The following MFHAS1 variants were observed in gnomAD, a reference collection of about 807,000 sequenced individuals.
The protein encoded by MFHAS1 is multifunctional ROCO family signaling regulator 1, also known as malignant fibrous histiocytoma-amplified sequence 1.
Under a neutral mutation model 70.4 loss-of-function variants are expected in MFHAS1, and 50 were observed. The observed-to-expected ratio is 0.71, with a 90% CI of 0.57 to 0.90. The LOEUF (loss-of-function observed/expected upper bound fraction) is 0.90. Among genes scored for constraint, MFHAS1 ranks in the 40% least tolerant of loss-of-function variants. The pLI, the probability that MFHAS1 is intolerant of heterozygous loss-of-function variation, is 0.00. For missense variants in MFHAS1, 1,795 were observed against 1,347.6 expected, an observed-to-expected ratio of 1.33 and a Z score of -5.20; for synonymous variants, 952 against 620.0, an observed-to-expected ratio of 1.54 and a Z score of -7.96.
chr8:8,842,722 G>C (rs1163072003), intron 1 of MFHAS1, among the ~76,000 whole-genome samples: 1 of 152,124 alleles, frequency 6.6e-6, no homozygotes, highest in South Asian at 2.1e-4. Flanking sequence ...AAGGTGCCCA[G>C]GTGATCGGAC....
Position 8,891,219 on chromosome 8 carries a change from GC to G in MFHAS1, c.1839del (p.Leu614SerfsTer68). On this transcript the variant is annotated frameshift_variant, in exon 1 of 3. Transcript: ENST00000276282. LOFTEE classifies it high-confidence loss of function. The surrounding 1 kb of genome is among the most constrained non-coding windows in gnomAD (Gnocchi z 5.4). Reference sequence around the variant, plus strand: ...GAGAGGATCTGCAGCCGGTGGTTGAGCAGGTATTGAAAATGGGCCTTGCGCC... The same window carrying G: ...GAGAGGATCTGCAGCCGGTGGTTGAGAGGTATTGAAAATGGGCCTTGCGCC... ...LRRRKAHFQY[L>X]LNHRLQILSP... is the part of the protein sequence containing the mutation. 1 of 1,612,624 alleles carries G rather than the reference GC, an allele frequency of 6.2e-7. No individual in the cohort carries two copies. The highest frequency in any genetic ancestry group is 8.5e-7 in the Non-Finnish European group (1 of 1,180,038).
chr8:8,834,017 T>G (rs1807506717), intron 1 of MFHAS1, among the ~76,000 whole-genome samples: 1 of 151,920 alleles, frequency 6.6e-6, no homozygotes, highest in Non-Finnish European at 1.5e-5. Flanking sequence ...TCCCAGCTAC[T>G]CAGGAGGTTG....
At chr8:8,853,697 G>T (rs758700471) in intron 1 of MFHAS1, among the ~76,000 whole-genome samples, 1 of 152,136 alleles carries the variant, frequency 6.6e-6, no homozygotes, top group Non-Finnish European at 1.5e-5. Context: ...CTCCTGAGTA[G>T]CTGAGATTAC....
At chr8:8,879,318 T>A (rs1008328200) in intron 1 of MFHAS1, among the ~76,000 whole-genome samples, 1 of 151,910 alleles carries the variant, frequency 6.6e-6, no homozygotes, top group African/African-American at 2.4e-5. Context: ...ATCACTGCAC[T>A]CAAGCCTGGG....
At position 8,804,904 on chromosome 8, in the gene MFHAS1, G is replaced by T. The variant is rs76468182; in HGVS notation, c.2999-7413C>A. ...TTTAGCCCAACTCCTGGCAGAAGAC[G>T]ATCGTCCTGACAGTAATGTTTGCTT... On this transcript the variant is annotated intron_variant, in intron 1 of 2. Coordinates refer to ENST00000276282, the MANE Select transcript of MFHAS1 (RefSeq NM_004225.3). Among the ~76,000 whole-genome samples the T allele has an allele frequency of 2.6e-5, 4 of 152,284 alleles. No homozygotes were observed. In the South Asian group the frequency reaches 6.2e-4, roughly 24 times the overall value.
chr8:8,834,121 G>A lies in MFHAS1; in HGVS notation c.2999-36630C>T, dbSNP rs889744453. On this transcript the variant is annotated intron_variant, in intron 1 of 2. Coordinates refer to ENST00000276282, the MANE Select transcript of MFHAS1 (RefSeq NM_004225.3). ...AGCCTGGGCAACCGAGTGAGACTCT[G>A]TCAAAAAAAACAAAAAAAACAAAAC... 1.4e-4 allele frequency among the ~76,000 whole-genome samples: 9 copies of A among 63,154 alleles called. No homozygotes were observed. The East Asian group carries it at 6.5e-3, about 46-fold the overall frequency. 41.4% of individuals were successfully genotyped at this position (63,154 alleles called of 152,430 possible). A position where few individuals can be genotyped will look rare whatever the true frequency, so the allele number is the denominator to read the frequency against.
intron 1 of MFHAS1, among the ~76,000 whole-genome samples, chr8:8,877,697 G>A (rs564906699): frequency 1.3e-5 from 2 of 152,246 alleles, no homozygotes; most frequent in Admixed American, 6.5e-5. Flanking sequence ...ATGAGTCTGA[G>A]CAAATAATGT....
intron 1 of MFHAS1, among the ~76,000 whole-genome samples, chr8:8,825,463 A>T: frequency 6.6e-6 from 1 of 152,316 alleles, no homozygotes; most frequent in East Asian, 1.9e-4. Flanking sequence ...GTGAGCCACC[A>T]TGCCCAGCCT....
chr8:8,868,956 G>T (rs1168087977), intron 1 of MFHAS1, among the ~76,000 whole-genome samples: 1 of 152,174 alleles, frequency 6.6e-6, no homozygotes, highest in African/African-American at 2.4e-5. Context: ...TTTAGAGAAA[G>T]TCAGTGAGAA....
chr8:8,797,442 G>A lies in MFHAS1; in HGVS notation c.3048C>T (p.Cys1016=). 1 of 1,614,086 alleles carries A rather than the reference G, an allele frequency of 6.2e-7. No homozygotes were observed. The highest frequency in any genetic ancestry group is 8.5e-7 in the Non-Finnish European group (1 of 1,180,000). The change falls in exon 2 of 3, where the codon TGC becomes TGT. Residue 1016 remains cysteine (C), a synonymous_variant. Coordinates refer to ENST00000276282, the MANE Select transcript of MFHAS1 (RefSeq NM_004225.3). ...PRPEGVAEII[C]PKNGSERVNV... Reference sequence around the variant, plus strand: ...TTACTCGCTCGCTGCCGTTCTTGGGGCAAATGATCTCTGCCACTCCTTCCG... The same window carrying A: ...TTACTCGCTCGCTGCCGTTCTTGGGACAAATGATCTCTGCCACTCCTTCCG...
At chr8:8,791,790 G>T (rs908711243) in intron 2 of MFHAS1, among the ~76,000 whole-genome samples, 8 of 152,142 alleles carry the variant, frequency 5.3e-5, no homozygotes, top group African/African-American at 1.9e-4. Context: ...GCCTAATTAG[G>T]CTGCCATGAA....
At chr8:8,841,761 C>T (rs1364103425) in intron 1 of MFHAS1, among the ~76,000 whole-genome samples, 1 of 152,206 alleles carries the variant, frequency 6.6e-6, no homozygotes, top group Non-Finnish European at 1.5e-5. Flanking sequence ...ACATGGGCCA[C>T]ACCCCACGGG....
At position 8,864,534 on chromosome 8, in the gene MFHAS1, T is replaced by A. The variant is rs559991110; in HGVS notation, c.2998+25527A>T. On this transcript the variant is annotated intron_variant, in intron 1 of 2. Coordinates refer to ENST00000276282, the MANE Select transcript of MFHAS1 (RefSeq NM_004225.3). The stretch of plus-strand genomic sequence containing the variant: ...GTGTTTCAGACAAGTCAAAATGCAA[T>A]CTACAAATAACTGTTTCAGTGAGAT... Among the ~76,000 whole-genome samples the A allele has an allele frequency of 2.0e-5, 3 of 152,372 alleles. No individual in the cohort carries two copies. The South Asian group carries it at 6.2e-4, about 32-fold the overall frequency.
intron 1 of MFHAS1, among the ~76,000 whole-genome samples, chr8:8,813,859 T>C (rs1375646862): frequency 6.6e-6 from 1 of 152,088 alleles, no homozygotes; most frequent in Non-Finnish European, 1.5e-5. Context: ...TCACCCACAC[T>C]GACTCACCCA....
rs1585013057 is a variant in MFHAS1 at position 8,786,109 on chromosome 8, T to C, written c.3126-54A>G. 5 of 1,468,458 alleles carry C rather than the reference T, an allele frequency of 3.4e-6. No homozygotes were observed. In the South Asian group the frequency reaches 5.7e-5, roughly 17 times the overall value. 91.0% of individuals were successfully genotyped at this position (1,468,458 alleles called of 1,614,324 possible). A position where few individuals can be genotyped will look rare whatever the true frequency, so the allele number is the denominator to read the frequency against. Reference sequence around the variant, plus strand: ...GAGATGACAAAAACGTACTGGACAATGCTACCCTCAATAAGAAAAGGAAGT... The same window carrying C: ...GAGATGACAAAAACGTACTGGACAACGCTACCCTCAATAAGAAAAGGAAGT... On this transcript the variant is annotated intron_variant, in intron 2 of 2. Coordinates refer to ENST00000276282, the MANE Select transcript of MFHAS1 (RefSeq NM_004225.3).
intron 1 of MFHAS1, among the ~76,000 whole-genome samples, chr8:8,822,769 T>C (rs1165067518): frequency 9.2e-6 from 1 of 108,334 alleles, no homozygotes; most frequent in Admixed American, 1.1e-4. Context: ...GGGACTGAGA[T>C]GGTGACAGGG....
At chr8:8,859,693 A>G (rs920785014) in intron 1 of MFHAS1, among the ~76,000 whole-genome samples, 1 of 152,208 alleles carries the variant, frequency 6.6e-6, no homozygotes, top group South Asian at 2.1e-4. Flanking sequence ...TCTTTGCTCT[A>G]GTTTACTATA....
At chr8:8,860,844 G>A (rs897430294) in intron 1 of MFHAS1, among the ~76,000 whole-genome samples, 1 of 152,112 alleles carries the variant, frequency 6.6e-6, no homozygotes, top group African/African-American at 2.4e-5. Flanking sequence ...TTAAATCATT[G>A]GTCTCGTTTC....
In MFHAS1 at chr8:8,891,974, C is replaced by A. The variant is rs1810069697; in HGVS notation, c.1085G>T (p.Gly362Val). Residue 362 changes from glycine (G) to valine (V), a missense_variant, in exon 1 of 3, where the codon GGC becomes GTC. By Grantham distance (109) the Gly-to-Val change is moderately radical (BLOSUM62 -3). Coordinates refer to ENST00000276282, the MANE Select transcript of MFHAS1 (RefSeq NM_004225.3). The surrounding 1 kb of genome is among the most constrained non-coding windows in gnomAD (Gnocchi z 5.4). ...CCACAAACCCACCCGGGAGAGCTGG[C>A]CAAAGTGGTCGGGCAGCACCGCGAT... ...NQIAVLPDHF[G>V]QLSRVGLWKI... 1 of 1,612,686 alleles carries A rather than the reference C, an allele frequency of 6.2e-7. No individual in the cohort carries two copies.
Sources: allele counts gnomAD v4.1 joint callset (sites outside exome capture counted in the v4.1 genomes callset), GRCh38; gene constraint gnomAD v4.1.1; non-coding constraint Gnocchi (gnomAD v3.1); transcripts MANE v1.5; gene names NCBI Gene and HGNC (gene_info 2026-07-23, HGNC 2026-07-21).